PCNX2: variants seen among roughly 807,000 people sequenced by gnomAD.
PCNX2 encodes pecanex-like protein 2.
A neutral mutation model predicts 223.8 loss-of-function variants in PCNX2; 168 were observed. The observed-to-expected ratio is 0.75, with a 90% confidence interval of 0.66 to 0.85. The LOEUF (loss-of-function observed/expected upper bound fraction) is 0.85, where lower values mean the gene tolerates loss of function less well. Among genes scored for constraint, PCNX2 ranks in the 40% least tolerant of loss-of-function variants. PCNX2 has a pLI of 0.00. For missense variants in PCNX2, 2,507 were observed against 2,675.5 expected (o/e 0.94, Z 1.39); for synonymous variants, 1,006 against 1,052.6 (o/e 0.96, Z 0.86).
intron 5 of PCNX2, among the ~76,000 whole-genome samples, chr1:233,255,596 G>GT (rs1659693301): frequency 6.6e-6 from 1 of 152,152 alleles, no homozygotes; most frequent in African/African-American, 2.4e-5. Context: ...AAAGTGTGTG[G>GT]TTTTCCATAG....
intron 23 of PCNX2, among the ~76,000 whole-genome samples, chr1:233,063,866 AT>A (rs1287334173): frequency 6.6e-6 from 1 of 151,982 alleles, no homozygotes; most frequent in Non-Finnish European, 1.5e-5. Flanking sequence ...GTTTTCTTAG[AT>A]TGACTGCTTT....
intron 1 of PCNX2, chr1:233,290,693 T>G: frequency 1.1e-6 from 1 of 942,146 alleles, no homozygotes; most frequent in Non-Finnish European, 1.3e-6. Flanking sequence ...TGACAGATAA[T>G]CCTATTAATT....
chr1:232,984,447 C>T lies in PCNX2; in HGVS notation c.6271G>A (p.Ala2091Thr). Residue 2091 changes from alanine (A) to threonine (T), a missense_variant, in exon 34 of 34, where the codon GCC (alanine) becomes ACC (threonine). By Grantham distance (58) the Ala-to-Thr change is moderately conservative (BLOSUM62 0). Transcript: ENST00000258229. ...HLSEPCEPPD[A>T]TEQGQLHDRC... ...TCATGAAGCTGCCCCTGCTCGGTGG[C>T]ATCAGGGGGCTCACATGGCTCGGAG... is the stretch of plus-strand genomic sequence containing the variant. 1.2e-6 allele frequency: 2 copies of T among 1,613,564 alleles called. No individual in the cohort carries two copies. The highest frequency in any genetic ancestry group is 1.7e-6 in the Non-Finnish European group (2 of 1,179,746).
At chr1:233,129,287 G>A (rs1468374789) in intron 21 of PCNX2, among the ~76,000 whole-genome samples, 7 of 152,236 alleles carry the variant, frequency 4.6e-5, no homozygotes, top group Non-Finnish European at 1.0e-4. Context: ...TCCCCCAGCA[G>A]TGCCAGCCCA....
At chr1:233,142,994 A>G (rs924356642) in intron 19 of PCNX2, among the ~76,000 whole-genome samples, 1 of 152,048 alleles carries the variant, frequency 6.6e-6, no homozygotes, top group Admixed American at 6.6e-5. Flanking sequence ...TAATGTCTTC[A>G]ACACCCGTAA....
At chr1:233,288,730 G>T (rs894166979) in intron 1 of PCNX2, 5 of 591,548 alleles carry the variant, frequency 8.5e-6, no homozygotes, top group African/African-American at 5.6e-5. Context: ...AACTGCATGG[G>T]ATGGCATTCA....
intron 12 of PCNX2, among the ~76,000 whole-genome samples, 166 bp from the exon 13 acceptor site, chr1:233,208,855 GA>G (rs1180434937): frequency 2.2e-5 from 2 of 89,060 alleles, no homozygotes; most frequent in African/African-American, 4.4e-5. Context: ...AAAAAAACAG[GA>G]AAAAAAGAAA....
At chr1:233,194,594 T>G (rs1680611311) in intron 15 of PCNX2, among the ~76,000 whole-genome samples, 1 of 152,176 alleles carries the variant, frequency 6.6e-6, no homozygotes, top group African/African-American at 2.4e-5. Flanking sequence ...CAAATATTAC[T>G]ATATAAAAAA....
chr1:233,049,740 G>A (rs1671933475), intron 25 of PCNX2, among the ~76,000 whole-genome samples: 1 of 152,090 alleles, frequency 6.6e-6, no homozygotes, highest in South Asian at 2.1e-4. Flanking sequence ...TTCCGGAATT[G>A]ATAAAATAAC....
At chr1:233,286,453 G>A (rs547890195) in intron 1 of PCNX2, among the ~76,000 whole-genome samples, 2 of 152,310 alleles carry the variant, frequency 1.3e-5, no homozygotes, top group African/African-American at 4.8e-5. Context: ...ATGGAGGTAT[G>A]AGCTTGGCCT....
At chr1:232,987,684 A>C (rs1446881534) in intron 32 of PCNX2, among the ~76,000 whole-genome samples, 1 of 152,174 alleles carries the variant, frequency 6.6e-6, no homozygotes, top group African/African-American at 2.4e-5. Context: ...AGGAGAACCC[A>C]AGAACTGACA....
At chr1:233,163,899 C>A (rs1166238666) in intron 17 of PCNX2, among the ~76,000 whole-genome samples, 3 of 152,030 alleles carry the variant, frequency 2.0e-5, no homozygotes, top group Non-Finnish European at 4.4e-5. Flanking sequence ...GAGTAGTATT[C>A]CTCTGTATGG....
At chr1:233,254,866 C>A (rs944570388) in intron 5 of PCNX2, among the ~76,000 whole-genome samples, 6 of 151,848 alleles carry the variant, frequency 4.0e-5, no homozygotes, top group African/African-American at 7.3e-5. Flanking sequence ...TTTAAATAGA[C>A]CCTGACTATA....
rs1342670286 is a variant in PCNX2 at position 233,103,127 on chromosome 1, G to C, written c.3838-7264C>G. ...CAGTTTTTCCAGCATCATTTATAAT[G>C]TTTTTAAGTTTTTAACTTTTGTGAG... On this transcript the variant is annotated intron_variant, in intron 21 of 33. Coordinates refer to ENST00000258229, the MANE Select transcript of PCNX2 (RefSeq NM_014801.4). Among the ~76,000 whole-genome samples the C allele has an allele frequency of 2.6e-5, 4 of 151,790 alleles. No individual in the cohort carries two copies. The East Asian group carries it at 7.8e-4, about 29-fold the overall frequency.
At chr1:233,254,176 C>G (rs1659602965) in intron 5 of PCNX2, among the ~76,000 whole-genome samples, 1 of 152,218 alleles carries the variant, frequency 6.6e-6, no homozygotes, top group Non-Finnish European at 1.5e-5. Flanking sequence ...ATGCTGGCTT[C>G]TCTGTGAGTC....
At chr1:233,002,826 A>G (rs747707672) in intron 28 of PCNX2, among the ~76,000 whole-genome samples, 12 of 152,228 alleles carry the variant, frequency 7.9e-5, no homozygotes, top group Non-Finnish European at 1.6e-4. Context: ...AATGGAACAG[A>G]ACAGAGGCCT....
chr1:233,280,298 C>CTTTT (rs34738587), intron 1 of PCNX2, among the ~76,000 whole-genome samples: 16 of 115,866 alleles, frequency 1.4e-4, no homozygotes, highest in African/African-American at 4.7e-4. Flanking sequence ...TCCATATTAC[C>CTTTT]TTTTTTTTTT....
At chr1:233,014,292 G>C (rs1246759138) in intron 28 of PCNX2, among the ~76,000 whole-genome samples, 1 of 152,136 alleles carries the variant, frequency 6.6e-6, no homozygotes, top group East Asian at 1.9e-4. Context: ...CTTTTATGAA[G>C]ACAATTAGGG....
intron 1 of PCNX2, among the ~76,000 whole-genome samples, chr1:233,293,708 T>C (rs1374382751): frequency 2.0e-5 from 3 of 152,222 alleles, no homozygotes; most frequent in South Asian, 2.1e-4. Flanking sequence ...GTGTGACAGG[T>C]ACTAAGAAGT....
Sources: gnomAD v4.1 joint callset for allele counts (sites outside exome capture counted in the v4.1 genomes callset) on GRCh38, gnomAD v4.1.1 for gene constraint, MANE v1.5 for transcripts, NCBI Gene and HGNC (gene_info 2026-07-23, HGNC 2026-07-21) for gene names.